Variants in RBM28 observed in about 807,000 individuals in gnomAD.
RBM28 encodes the protein RNA binding motif protein 28.
Under a neutral mutation model 98.3 loss-of-function variants are expected in RBM28, and 78 were observed. The observed-to-expected ratio is 0.79, with a 90% CI of 0.66 to 0.96. The LOEUF is 0.96. Among genes scored for constraint, RBM28 ranks in the 40% least tolerant of loss-of-function variants. The probability of loss-of-function intolerance (pLI) is 0.00; values close to 1 mark genes in which losing one functional copy is unlikely to be tolerated. For missense variants in RBM28, 838 were observed against 913.0 expected, an observed-to-expected ratio of 0.92 and a Z score of 1.06; for synonymous variants, 306 against 330.9, an observed-to-expected ratio of 0.92 and a Z score of 0.82.
intron 10 of RBM28, among the ~76,000 whole-genome samples, chr7:128,329,780 T>G (rs1467951089): frequency 1.3e-5 from 2 of 149,150 alleles, no homozygotes; most frequent in African/African-American, 5.0e-5. Flanking sequence ...TCCCAGCTAC[T>G]CAGGAGGCTG....
intron 8 of RBM28, among the ~76,000 whole-genome samples, chr7:128,333,661 T>C (rs1796535214): frequency 6.6e-6 from 1 of 151,990 alleles, no homozygotes; most frequent in South Asian, 2.1e-4. Context: ...GAGGTTGCAG[T>C]GAGCCAAGAT....
intron 10 of RBM28, among the ~76,000 whole-genome samples, chr7:128,328,517 CA>C (rs1796402711): frequency 6.6e-6 from 1 of 152,158 alleles, no homozygotes; most frequent in South Asian, 2.1e-4. Context: ...AAGGACAATA[CA>C]TTTTTTTTAA....
chr7:128,307,655 A>G lies in RBM28; in HGVS notation c.*3142T>C, dbSNP rs1322297385. On this transcript the variant is annotated 3_prime_UTR_variant, in exon 19 of 19. Coordinates refer to ENST00000223073, the MANE Select transcript of RBM28 (RefSeq NM_018077.3). The stretch of plus-strand genomic sequence containing the variant: ...TTAGAAACTACAAACTAACCAACAA[A>G]CAAACAAATAAGGCAAAGAACAGCT... The G allele has an allele frequency of 1.3e-5, 2 of 152,168 alleles. No individual in the cohort carries two copies. The highest frequency in any genetic ancestry group is 1.3e-4 in the Admixed American group (2 of 15,272). 9.4% of individuals were successfully genotyped at this position (152,168 alleles called of 1,614,324 possible). A position where few individuals can be genotyped will look rare whatever the true frequency, so the allele number is the denominator to read the frequency against.
chr7:128,343,692 G>A lies in RBM28; in HGVS notation c.102C>T (p.Phe34=), dbSNP rs763472477. 24 of 1,610,316 alleles carry A rather than the reference G, an allele frequency of 1.5e-5. No individual in the cohort carries two copies. Among genetic ancestry groups the A allele is most frequent in the African/African-American group, 1.1e-4 (8 of 74,810 alleles). Reference sequence around the variant, plus strand: ...CGCCCCTACCTTTTTCAGTCACCACGAAGCACTGCTTCACCGGCCCCACCT... The same window carrying A: ...CGCCCCTACCTTTTTCAGTCACCACAAAGCACTGCTTCACCGGCCCCACCT... ...FSQVGPVKQC[F]VVTEKGSKAC... Residue 34 remains phenylalanine, a synonymous_variant, in exon 1 of 19, where the codon TTC becomes TTT. Coordinates refer to ENST00000223073, the MANE Select transcript of RBM28 (RefSeq NM_018077.3).
intron 18 of RBM28, among the ~76,000 whole-genome samples, chr7:128,312,739 T>C (rs1796013121): frequency 6.6e-6 from 1 of 152,236 alleles, no homozygotes; most frequent in Non-Finnish European, 1.5e-5. Flanking sequence ...ATGGATTTAA[T>C]ATATCATTTG....
At chr7:128,317,525 GA>G (rs1448148075) in intron 16 of RBM28, 133 bp downstream of exon 16, 3 of 696,218 alleles carry the variant, frequency 4.3e-6, no homozygotes, top group Non-Finnish European at 7.7e-6. Flanking sequence ...GAGGCTTAGG[GA>G]ACTGGGAGTA....
chr7:128,314,560 C>G (rs1272341094), intron 17 of RBM28, among the ~76,000 whole-genome samples: 2 of 152,166 alleles, frequency 1.3e-5, no homozygotes, highest in Non-Finnish European at 2.9e-5. Flanking sequence ...CAAAAGCCTG[C>G]CCTAGGAGGC....
intron 11 of RBM28, among the ~76,000 whole-genome samples, chr7:128,325,417 A>G (rs776121323): frequency 1.4e-4 from 21 of 152,218 alleles, no homozygotes; most frequent in Non-Finnish European, 1.8e-4. Flanking sequence ...ATTATACTCG[A>G]CTATAGAACA....
rs939181511 is a variant in RBM28, at chr7:128,310,233, C to T, written c.*564G>A. ...TGCTCTCTGTCAGGCCCCACCTCCC[C>T]CCATTCTTTTCCAAGTGTCTCCGCC... On this transcript the variant is annotated 3_prime_UTR_variant, in exon 19 of 19. Transcript: ENST00000223073. The T allele has an allele frequency of 6.1e-5, 10 of 164,924 alleles. No individual in the cohort carries two copies. The highest frequency in any genetic ancestry group is 1.7e-4 in the Admixed American group (3 of 17,192). The allele number at this position is 164,924 out of a possible 1,614,324, so 10.2% of individuals were successfully genotyped here. A position where few individuals can be genotyped will look rare whatever the true frequency, so the allele number is the denominator to read the frequency against.
intron 5 of RBM28, 145 bp from the exon 6 acceptor site, chr7:128,337,347 C>T (rs1448874573): frequency 2.4e-6 from 2 of 821,274 alleles, no homozygotes; most frequent in Non-Finnish European, 4.1e-6. Context: ...TAAAATAAAG[C>T]TCCTAGTCAC....
chr7:128,317,675 C>T lies in RBM28; in HGVS notation c.1772G>A (p.Arg591Lys), dbSNP rs190803188. 1 of 1,605,278 alleles carries T rather than the reference C, an allele frequency of 6.2e-7. No homozygotes were observed. The highest frequency in any genetic ancestry group is 2.2e-5 in the East Asian group (1 of 44,852). The change falls in exon 16 of 19, where the codon AGG becomes AAG. Residue 591 changes from arginine (R) to lysine (K), a missense_variant. Coordinates refer to ENST00000223073, the MANE Select transcript of RBM28 (RefSeq NM_018077.3). ...DRRKLKMKELRIQRSLQKMRS... is the reference protein window; with the variant it reads ...DRRKLKMKELKIQRSLQKMRS... ...TTTCTGTACCAAGCTGCGCTGGATC[C>T]TTAATTCCTTCATTTTAAGTTTTCT...
chr7:128,319,505 T>C (rs1445774946), intron 14 of RBM28, among the ~76,000 whole-genome samples: 1 of 152,226 alleles, frequency 6.6e-6, no homozygotes, highest in Non-Finnish European at 1.5e-5. Flanking sequence ...TATATTCACA[T>C]TCTCTCAAGT....
In RBM28 at chr7:128,313,186, A is replaced by G. The variant is rs1274001272; in HGVS notation, c.2134T>C (p.Ser712Pro). 4 of 1,613,894 alleles carry G rather than the reference A, an allele frequency of 2.5e-6. No individual in the cohort carries two copies. Among genetic ancestry groups the G allele is most frequent in the Admixed American group, 3.3e-5 (2 of 60,002 alleles). ...CCTGCAGAACTCACCTGCTCGGACG[A>G]TAATTGCTGCTTCTCCTGCTTCCAC... is the stretch of plus-strand genomic sequence containing the variant. Reference protein sequence around the residue: ...NQWKQEKQQLSSEQVSRKKAK... With the variant: ...NQWKQEKQQLPSEQVSRKKAK... Residue 712 changes from serine to proline, a missense_variant, in exon 18 of 19, where the codon TCG becomes CCG. Physicochemically the swap from Ser to Pro is moderately conservative, Grantham distance 74. Transcript: ENST00000223073.
intron 14 of RBM28, among the ~76,000 whole-genome samples, chr7:128,318,687 A>G (rs1367559566): frequency 6.6e-6 from 1 of 152,212 alleles, no homozygotes; most frequent in African/African-American, 2.4e-5. Context: ...AAAACTTCCT[A>G]AAGAAAATTT....
At chr7:128,332,737 G>A (rs1302523464) in intron 9 of RBM28, among the ~76,000 whole-genome samples, 1 of 152,114 alleles carries the variant, frequency 6.6e-6, no homozygotes, top group Non-Finnish European at 1.5e-5. Context: ...GGTACTTAAG[G>A]ACTAGAAGGC....
intron 9 of RBM28, among the ~76,000 whole-genome samples, chr7:128,331,217 G>A (rs1282654049): frequency 6.6e-6 from 1 of 151,966 alleles, no homozygotes; most frequent in East Asian, 1.9e-4. Flanking sequence ...CTTCTGGGGT[G>A]CTGGAAATTT....
At position 128,330,835 on chromosome 7, in the gene RBM28, G is replaced by T. The variant is rs763363740; in HGVS notation, c.1113C>A (p.Asp371Glu). ...AACACATACCTTTAGAATGCTCTGT[G>T]TCTGGATGCAAGACAATGCGGACAT... is the stretch of plus-strand genomic sequence containing the variant. ...LKYVRIVLHP[D>E]TEHSKGCAFA... Residue 371 changes from aspartate (D) to glutamate (E), a missense_variant, in exon 10 of 19, where the codon GAC becomes GAA. Coordinates refer to ENST00000223073, the MANE Select transcript of RBM28 (RefSeq NM_018077.3). The T allele has an allele frequency of 6.2e-7, 1 of 1,613,648 alleles. No homozygotes were observed.
At chr7:128,323,375 A>T in intron 13 of RBM28, 152 bp downstream of exon 13, 1 of 852,154 alleles carries the variant, frequency 1.2e-6, no homozygotes, top group Non-Finnish European at 2.0e-6. Flanking sequence ...GTTACTTGCT[A>T]TTTCACCTAT....
At chr7:128,315,835 A>G (rs1425172847) in intron 16 of RBM28, among the ~76,000 whole-genome samples, 1 of 152,262 alleles carries the variant, frequency 6.6e-6, no homozygotes, top group Non-Finnish European at 1.5e-5. Context: ...TGTCTGCAAG[A>G]AATGCGAAAT....
Sources: gnomAD v4.1 joint callset for allele counts (sites outside exome capture counted in the v4.1 genomes callset) on GRCh38, gnomAD v4.1.1 for gene constraint, MANE v1.5 for transcripts, NCBI Gene and HGNC (gene_info 2026-07-23, HGNC 2026-07-21) for gene names.